CDC42SE2: variants seen among roughly 807,000 people sequenced by gnomAD.
CDC42SE2 encodes CDC42 small effector protein 2.
Under a neutral mutation model 11.5 loss-of-function variants are expected in CDC42SE2, and 3 were observed. The ratio of observed to expected loss-of-function variants is 0.26; its 90% CI spans 0.12 to 0.67. CDC42SE2 has a LOEUF of 0.67. Ranked by LOEUF, CDC42SE2 falls within the 30% of genes least tolerant of loss-of-function variation. The pLI, the probability that CDC42SE2 is intolerant of heterozygous loss-of-function variation, is 0.80. For missense variants in CDC42SE2, 82 were observed against 106.8 expected, an observed-to-expected ratio of 0.77 and a Z score of 1.02; for synonymous variants, 33 against 34.8, an observed-to-expected ratio of 0.95 and a Z score of 0.18.
Position 131,359,307 on chromosome 5 carries a change from A to G in CDC42SE2, c.-187A>G. ...AGAACCAGAAGCAAAGAAAGGAAAC[A>G]ATCCAAATTTTTCTTTATTAAATCG... On this transcript the variant is annotated 5_prime_UTR_variant, in exon 3 of 5. Coordinates refer to ENST00000505065, the MANE Select transcript of CDC42SE2 (RefSeq NM_001375635.1). The G allele has an allele frequency of 1.6e-6, 1 of 614,622 alleles. No individual in the cohort carries two copies. Among genetic ancestry groups the G allele is most frequent in the East Asian group, 2.7e-5 (1 of 36,576 alleles). 38.1% of individuals were successfully genotyped at this position (614,622 alleles called of 1,614,324 possible). A position where few individuals can be genotyped will look rare whatever the true frequency, so the allele number is the denominator to read the frequency against.
At chr5:131,266,908 A>G (rs1290013012) in intron 1 of CDC42SE2, among the ~76,000 whole-genome samples, 2 of 150,950 alleles carry the variant, frequency 1.3e-5, no homozygotes, top group African/African-American at 4.9e-5. Flanking sequence ...TAGTGATGAT[A>G]AAGAACAAGT....
At chr5:131,326,136 GC>G (rs1758296837) in intron 2 of CDC42SE2, among the ~76,000 whole-genome samples, 1 of 147,690 alleles carries the variant, frequency 6.8e-6, no homozygotes, top group Non-Finnish European at 1.5e-5. Context: ...ACGGAGTCTC[GC>G]TCTGTCCCCC....
At chr5:131,235,175 C>T in the CDC42SE2 span, among the ~76,000 whole-genome samples, 1 of 152,170 alleles carries the variant, frequency 6.6e-6, no homozygotes, top group African/African-American at 2.4e-5. Context: ...AGGCGTGAGC[C>T]ACCGCGCCTG....
intron 4 of CDC42SE2, among the ~76,000 whole-genome samples, chr5:131,388,674 A>T (rs1750562389): frequency 6.6e-6 from 1 of 152,366 alleles, no homozygotes; most frequent in Middle Eastern, 3.4e-3. Context: ...ACAATAATAC[A>T]TTGTCTCAAC....
chr5:131,291,262 G>C lies in CDC42SE2; in HGVS notation c.-454-24714G>C, dbSNP rs77195176. On this transcript the variant is annotated intron_variant, in intron 1 of 4. Transcript: ENST00000505065. ...TTTTTTTTAAAAAAGGACTTATTCA[G>C]AATGGTGGTTCCCTACCCTGGCAGT... 3.7e-3 allele frequency among the ~76,000 whole-genome samples: 556 copies of C among 152,100 alleles called. 6 individuals are homozygous for C. The highest frequency in any genetic ancestry group is 0.013 in the African/African-American group (545 of 41,490).
At chr5:131,386,173 A>T (rs1750479045) in intron 4 of CDC42SE2, among the ~76,000 whole-genome samples, 1 of 152,240 alleles carries the variant, frequency 6.6e-6, no homozygotes. Flanking sequence ...ACAGTTCATC[A>T]GGCATTAGAT....
intron 1 of CDC42SE2, among the ~76,000 whole-genome samples, chr5:131,273,129 CAT>C (rs893402632): frequency 2.0e-5 from 3 of 149,554 alleles, no homozygotes; most frequent in African/African-American, 4.9e-5. Context: ...GAATTATATA[CAT>C]ATATATATAT....
At chr5:131,234,928 C>T in the CDC42SE2 span, among the ~76,000 whole-genome samples, 10 of 138,800 alleles carry the variant, frequency 7.2e-5, no homozygotes, top group African/African-American at 2.3e-4. Context: ...CTCACTCTGT[C>T]GCCCGGCTAT....
At chr5:131,363,673 G>A (rs745473086) in intron 3 of CDC42SE2, among the ~76,000 whole-genome samples, 5 of 149,796 alleles carry the variant, frequency 3.3e-5, no homozygotes, top group South Asian at 2.1e-4. Context: ...CACCGCGCCC[G>A]GCCTTTTTTT....
the CDC42SE2 span, among the ~76,000 whole-genome samples, chr5:131,221,091 GACC>G: frequency 6.6e-6 from 1 of 151,910 alleles, no homozygotes; most frequent in Non-Finnish European, 1.5e-5. Context: ...TCACCATGTT[GACC>G]AGGCTGGTCT....
At chr5:131,267,216 G>A (rs532026816) in intron 1 of CDC42SE2, among the ~76,000 whole-genome samples, 58 of 151,814 alleles carry the variant, frequency 3.8e-4, no homozygotes, top group African/African-American at 1.4e-3. Context: ...CACCACACCC[G>A]GCTAATTTTT....
At chr5:131,267,984 CAGG>C (rs1469657873) in intron 1 of CDC42SE2, among the ~76,000 whole-genome samples, 11 of 150,102 alleles carry the variant, frequency 7.3e-5, no homozygotes, top group Admixed American at 7.3e-4. Flanking sequence ...TAGTCAGTCT[CAGG>C]GGGACATTAT....
chr5:131,311,738 C>T (rs1757919707), intron 1 of CDC42SE2, among the ~76,000 whole-genome samples: 1 of 152,202 alleles, frequency 6.6e-6, no homozygotes, highest in Non-Finnish European at 1.5e-5. Flanking sequence ...ATCACATCGG[C>T]TCCTGAGGCT....
chr5:131,228,043 C>T, the CDC42SE2 span, among the ~76,000 whole-genome samples: 4 of 152,260 alleles, frequency 2.6e-5, no homozygotes, highest in African/African-American at 9.6e-5. Flanking sequence ...TCCATCTCTA[C>T]TAAAAATACA....
chr5:131,283,964 A>G (rs904756386), intron 1 of CDC42SE2, among the ~76,000 whole-genome samples: 1 of 152,220 alleles, frequency 6.6e-6, no homozygotes, highest in Non-Finnish European at 1.5e-5. Flanking sequence ...GTTTTAATTT[A>G]TCTTGGGTAT....
intron 3 of CDC42SE2, among the ~76,000 whole-genome samples, chr5:131,379,036 C>T (rs1281565740): frequency 6.6e-6 from 1 of 152,150 alleles, no homozygotes; most frequent in East Asian, 1.9e-4. Flanking sequence ...AAATAGTGGG[C>T]TTGTTAGATT....
rs1451026757 is a variant in CDC42SE2, at chr5:131,391,106, C to T, written c.*15C>T. On this transcript the variant is annotated 3_prime_UTR_variant, in exon 5 of 5. Transcript: ENST00000505065. ...AGGCGGGATAGCCCTGGTCCTTTCT[C>T]CAGTGAGTACTCAGAGCTGGGGTCT... The T allele has an allele frequency of 3.1e-6, 5 of 1,595,588 alleles. No individual in the cohort carries two copies. Among genetic ancestry groups the T allele is most frequent in the South Asian group, 1.1e-5 (1 of 90,766 alleles).
At chr5:131,381,469 C>A (rs1561436683) in intron 3 of CDC42SE2, among the ~76,000 whole-genome samples, 1 of 152,056 alleles carries the variant, frequency 6.6e-6, no homozygotes. Context: ...GATTAAGGCA[C>A]CTGCTACCAC....
intron 2 of CDC42SE2, among the ~76,000 whole-genome samples, chr5:131,346,459 T>C (rs1758846945): frequency 1.3e-5 from 2 of 152,212 alleles, no homozygotes; most frequent in Admixed American, 1.3e-4. Context: ...CTAACTGTCC[T>C]AAATATATGT....
Sources: gnomAD v4.1 joint callset for allele counts (sites outside exome capture counted in the v4.1 genomes callset) on GRCh38, gnomAD v4.1.1 for gene constraint, MANE v1.5 for transcripts, NCBI Gene and HGNC (gene_info 2026-07-23, HGNC 2026-07-21) for gene names.